The following MALRD1 variants were observed in gnomAD, a reference collection of about 807,000 sequenced individuals.
MALRD1 encodes MAM and LDL-receptor class A domain-containing protein 1.
In MALRD1, 247 loss-of-function variants were observed where a neutral mutation model predicts 242.1. The observed-to-expected ratio is 1.02, with a 90% CI of 0.92 to 1.13. The LOEUF (loss-of-function observed/expected upper bound fraction) is 1.13, where lower values mean the gene tolerates loss of function less well. MALRD1 is among the 50% of genes most tolerant of loss of function. The probability of loss-of-function intolerance (pLI) is 0.00; values close to 1 mark genes in which losing one functional copy is unlikely to be tolerated. For synonymous variants in MALRD1, 995 were observed against 866.6 expected, an observed-to-expected ratio of 1.15 and a Z score of -2.60; for missense variants, 2,989 against 2,533.1, an observed-to-expected ratio of 1.18 and a Z score of -3.86.
chr10:19,222,701 AG>A (rs1359797305), intron 18 of MALRD1, among the ~76,000 whole-genome samples: 3 of 152,146 alleles, frequency 2.0e-5, no homozygotes, highest in Admixed American at 6.6e-5. Flanking sequence ...CTTCTGATCC[AG>A]ACTTGTTTGA....
intron 38 of MALRD1, among the ~76,000 whole-genome samples, chr10:19,719,205 T>TAC (rs1554830405): frequency 3.1e-5 from 3 of 96,292 alleles, no homozygotes; most frequent in African/African-American, 4.8e-5. Flanking sequence ...CATATATATA[T>TAC]ATATATACAC....
chr10:19,068,763 AG>A (rs1835055386), intron 2 of MALRD1, among the ~76,000 whole-genome samples: 1 of 152,144 alleles, frequency 6.6e-6, no homozygotes. Flanking sequence ...TCATTTCATA[AG>A]TATTAACCAA....
intron 22 of MALRD1, among the ~76,000 whole-genome samples, chr10:19,327,036 A>G (rs1048002397): frequency 2.6e-5 from 4 of 152,016 alleles, no homozygotes; most frequent in Admixed American, 2.0e-4. Context: ...TGTTTGTTTC[A>G]TGGCTGTTGG....
At chr10:19,432,987 G>A (rs551150004) in intron 28 of MALRD1, among the ~76,000 whole-genome samples, 12 of 152,222 alleles carry the variant, frequency 7.9e-5, no homozygotes, top group Admixed American at 2.0e-4. Flanking sequence ...CTTGTAATGC[G>A]TCTGCACACA....
At chr10:19,707,773 AC>A (rs1833932303) in intron 38 of MALRD1, among the ~76,000 whole-genome samples, 1 of 110,364 alleles carries the variant, frequency 9.1e-6, no homozygotes, top group African/African-American at 2.9e-5. Context: ...ACATGGTGAA[AC>A]CCCATCTGTA....
intron 38 of MALRD1, chr10:19,710,291 A>T (rs76646476): frequency 1.3e-5 from 2 of 150,144 alleles, no homozygotes; most frequent in Non-Finnish European, 1.5e-5. Context: ...TCACTCTTGC[A>T]TTTTTTTTTT....
Position 19,476,049 on chromosome 10 carries a change from T to A in MALRD1, c.5030-15468T>A, listed in dbSNP as rs191446939. 1.9e-4 allele frequency among the ~76,000 whole-genome samples: 29 copies of A among 152,366 alleles called. No homozygotes were observed. In the East Asian group the frequency reaches 5.6e-3, roughly 29 times the overall value. Reference sequence around the variant, plus strand: ...TAATAGATGCAATTAATAGTTAATATTCTTTTTAGTGCACATACCTTAAAT... The same window carrying A: ...TAATAGATGCAATTAATAGTTAATAATCTTTTTAGTGCACATACCTTAAAT... On this transcript the variant is annotated intron_variant, in intron 29 of 39. Transcript: ENST00000454679.
At chr10:19,292,398 C>T (rs1054010313) in intron 21 of MALRD1, among the ~76,000 whole-genome samples, 14 of 152,042 alleles carry the variant, frequency 9.2e-5, no homozygotes, top group African/African-American at 3.4e-4. Flanking sequence ...AATGTTAGAA[C>T]TTGCTTACAG....
chr10:19,077,945 G>A (rs890653206), intron 2 of MALRD1, among the ~76,000 whole-genome samples: 17 of 151,600 alleles, frequency 1.1e-4, no homozygotes, highest in African/African-American at 4.1e-4. Flanking sequence ...AAACCTCAAA[G>A]CAAAACTCAT....
At chr10:19,485,608 A>C (rs995910867) in intron 29 of MALRD1, among the ~76,000 whole-genome samples, 2 of 151,300 alleles carry the variant, frequency 1.3e-5, no homozygotes, top group Non-Finnish European at 2.9e-5. Flanking sequence ...GCGCCACTGC[A>C]CTCCAGCCTG....
At chr10:19,689,578 A>C (rs1842738126) in intron 36 of MALRD1, among the ~76,000 whole-genome samples, 1 of 152,114 alleles carries the variant, frequency 6.6e-6, no homozygotes, top group African/African-American at 2.4e-5. Flanking sequence ...AAGCAAAGAA[A>C]GATGTGAAAA....
At chr10:19,060,426 A>T (rs909821708) in intron 1 of MALRD1, among the ~76,000 whole-genome samples, 7 of 152,036 alleles carry the variant, frequency 4.6e-5, no homozygotes, top group African/African-American at 1.7e-4. Flanking sequence ...TTTTCCGGAA[A>T]TCAGGTCCTT....
intron 31 of MALRD1, among the ~76,000 whole-genome samples, chr10:19,514,733 A>G (rs538300818): frequency 2.6e-5 from 4 of 152,290 alleles, no homozygotes; most frequent in Admixed American, 2.0e-4. Context: ...TACAGACTGC[A>G]TGAAGTGTAG....
intron 1 of MALRD1, among the ~76,000 whole-genome samples, chr10:19,065,579 A>G (rs1834954740): frequency 6.6e-6 from 1 of 152,206 alleles, no homozygotes; most frequent in Middle Eastern, 3.4e-3. Flanking sequence ...TCATTCCCCT[A>G]CCTCAAAAGG....
chr10:19,439,424 G>C (rs936114320), intron 28 of MALRD1, among the ~76,000 whole-genome samples: 2 of 151,978 alleles, frequency 1.3e-5, no homozygotes, highest in Non-Finnish European at 2.9e-5. Context: ...CTGCAGTCCT[G>C]ATGGTGGGAG....
At chr10:19,659,480 T>G (rs1589369698) in intron 36 of MALRD1, among the ~76,000 whole-genome samples, 1 of 152,166 alleles carries the variant, frequency 6.6e-6, no homozygotes, top group African/African-American at 2.4e-5. Flanking sequence ...TATTTCTATA[T>G]TCATTACCAC....
intron 19 of MALRD1, among the ~76,000 whole-genome samples, chr10:19,258,969 A>C (rs1025977465): frequency 2.6e-5 from 4 of 151,788 alleles, no homozygotes; most frequent in Non-Finnish European, 5.9e-5. Flanking sequence ...TTTAGTACCC[A>C]CCCTCATTGC....
At chr10:19,053,324 C>T (rs1268346205) in intron 1 of MALRD1, among the ~76,000 whole-genome samples, 1 of 152,172 alleles carries the variant, frequency 6.6e-6, no homozygotes, top group African/African-American at 2.4e-5. Context: ...TTTGCTCATC[C>T]TTGCAATCCA....
chr10:19,348,865 A>T (rs756564551), intron 25 of MALRD1, among the ~76,000 whole-genome samples: 1 of 152,212 alleles, frequency 6.6e-6, no homozygotes, highest in Non-Finnish European at 1.5e-5. Context: ...ACAATAAGAA[A>T]TGCAGTCTGT....
Sources: allele counts gnomAD v4.1 joint callset (sites outside exome capture counted in the v4.1 genomes callset), GRCh38; gene constraint gnomAD v4.1.1; transcripts MANE v1.5; gene names NCBI Gene and HGNC (gene_info 2026-07-23, HGNC 2026-07-21).